The following CYSTM1 variants were observed in gnomAD, a reference collection of about 807,000 sequenced individuals.
CYSTM1 encodes the protein cysteine-rich transmembrane module-containing protein 1.
A neutral mutation model predicts 13.1 loss-of-function variants in CYSTM1; 4 were observed. The ratio of observed to expected loss-of-function variants is 0.31; its 90% CI spans 0.15 to 0.70. The LOEUF (loss-of-function observed/expected upper bound fraction) is 0.70. Among genes scored for constraint, CYSTM1 ranks in the 30% least tolerant of loss-of-function variants. CYSTM1 has a pLI of 0.72. For synonymous variants in CYSTM1, 36 were observed against 42.7 expected (o/e 0.84, Z 0.62); for missense variants, 96 against 121.6 (o/e 0.79, Z 0.99).
intron 2 of CYSTM1, among the ~76,000 whole-genome samples, chr5:140,221,529 G>A (rs1236491843): frequency 6.6e-6 from 1 of 152,230 alleles, no homozygotes; most frequent in South Asian, 2.1e-4. Context: ...ATTCATCCAT[G>A]CTGTAGCGTG....
At chr5:140,236,705 G>A (rs1054108314) in intron 2 of CYSTM1, among the ~76,000 whole-genome samples, 1 of 152,194 alleles carries the variant, frequency 6.6e-6, no homozygotes, top group African/African-American at 2.4e-5. Context: ...GAGAGGTCAA[G>A]TGTCTTACTT....
chr5:140,233,002 A>C (rs1764634823), intron 2 of CYSTM1, among the ~76,000 whole-genome samples: 1 of 152,200 alleles, frequency 6.6e-6, no homozygotes, highest in Admixed American at 6.5e-5. Flanking sequence ...CCTTCTGAAC[A>C]GTAGCAACAG....
intron 2 of CYSTM1, chr5:140,201,849 C>T (rs967094898): frequency 1.3e-5 from 2 of 149,552 alleles, no homozygotes; most frequent in Non-Finnish European, 3.0e-5. Flanking sequence ...ATGATCCAAA[C>T]AGAAAAAAGG....
chr5:140,217,358 A>C, intron 2 of CYSTM1, among the ~76,000 whole-genome samples: 1 of 152,164 alleles, frequency 6.6e-6, no homozygotes, highest in Non-Finnish European at 1.5e-5. Context: ...TACCTCAGGC[A>C]GCTAGTGGGT....
chr5:140,226,613 A>ATATATATATATATATATATAT lies in CYSTM1; in HGVS notation c.188-16692_188-16691insTATATATATATATATATATAT, dbSNP rs61099181. ...ATATATATATATATATATATATATA[A>ATATATATATATATATATATAT]AAATTAGCCAGATGTGATGGCGCAT... On this transcript the variant is annotated intron_variant, in intron 2 of 2. Transcript: ENST00000261811. Among the ~76,000 whole-genome samples, 304 of 84,942 alleles carry ATATATATATATATATATATAT rather than the reference A, an allele frequency of 3.6e-3. 10 individuals carry two copies. The highest frequency in any genetic ancestry group is 8.5e-3 in the South Asian group (18 of 2,126). 55.7% of individuals were successfully genotyped at this position (84,942 alleles called of 152,430 possible).
intron 1 of CYSTM1, among the ~76,000 whole-genome samples, chr5:140,179,472 A>C (rs2126651776): frequency 6.6e-6 from 1 of 151,592 alleles, no homozygotes; most frequent in East Asian, 2.0e-4. Flanking sequence ...AGGCACAAGA[A>C]TTGCTTGAAC....
rs76789769 is a variant in CYSTM1 at position 140,197,263 on chromosome 5, C to A, written c.187+2611C>A. ...ATACAGATTTGGTCATCTTTCTTAC[C>A]TTTCATGTAATTTAAGTATTGATGT... is the stretch of plus-strand genomic sequence containing the variant. On this transcript the variant is annotated intron_variant, in intron 2 of 2. Transcript: ENST00000261811. Among the ~76,000 whole-genome samples the A allele has an allele frequency of 3.9e-3, 599 of 152,242 alleles. 6 individuals are homozygous for A. The highest frequency in any genetic ancestry group is 0.014 in the African/African-American group (569 of 41,546).
At chr5:140,212,811 T>C (rs866043782) in intron 2 of CYSTM1, among the ~76,000 whole-genome samples, 1 of 150,630 alleles carries the variant, frequency 6.6e-6, no homozygotes, top group Non-Finnish European at 1.5e-5. Flanking sequence ...TACAAAAAAA[T>C]AGAAAAACAA....
chr5:140,206,568 T>A (rs185080866), intron 2 of CYSTM1, among the ~76,000 whole-genome samples: 113 of 152,284 alleles, frequency 7.4e-4, no homozygotes, highest in African/African-American at 2.6e-3. Context: ...TGCTGCTTCC[T>A]GAATTGCTGA....
At chr5:140,181,089 T>C (rs1402372981) in intron 1 of CYSTM1, among the ~76,000 whole-genome samples, 3 of 152,098 alleles carry the variant, frequency 2.0e-5, no homozygotes, top group African/African-American at 7.2e-5. Flanking sequence ...ACCTGGGAAA[T>C]GGTGCTAGAC....
At chr5:140,195,638 A>G (rs867282013) in intron 2 of CYSTM1, among the ~76,000 whole-genome samples, 3 of 151,364 alleles carry the variant, frequency 2.0e-5, no homozygotes, top group South Asian at 2.1e-4. Context: ...AGACTGTGTT[A>G]GCCAGGATGG....
chr5:140,228,561 A>G (rs971538173), intron 2 of CYSTM1, among the ~76,000 whole-genome samples: 18 of 152,334 alleles, frequency 1.2e-4, no homozygotes, highest in Non-Finnish European at 1.9e-4. Context: ...TGAAACAGGG[A>G]AAGCGCAGTG....
At chr5:140,240,517 T>G (rs960491347) in intron 2 of CYSTM1, among the ~76,000 whole-genome samples, 1 of 151,656 alleles carries the variant, frequency 6.6e-6, no homozygotes, top group East Asian at 2.0e-4. Context: ...CCAGGTAGCA[T>G]GGGGTGCCAG....
chr5:140,187,200 C>T (rs561081692), intron 1 of CYSTM1, among the ~76,000 whole-genome samples: 46 of 149,268 alleles, frequency 3.1e-4, no homozygotes, highest in African/African-American at 1.1e-3. Flanking sequence ...GAACAAACTG[C>T]ACCCAAAATT....
intron 2 of CYSTM1, among the ~76,000 whole-genome samples, chr5:140,233,535 T>C (rs1055488549): frequency 1.3e-5 from 2 of 152,210 alleles, no homozygotes; most frequent in Admixed American, 1.3e-4. Flanking sequence ...TTCTGGATCA[T>C]ATGGTAGGCT....
intron 2 of CYSTM1, among the ~76,000 whole-genome samples, chr5:140,232,789 T>G (rs556190153): frequency 1.3e-5 from 2 of 152,280 alleles, no homozygotes; most frequent in East Asian, 3.9e-4. Context: ...GAACCTCCAC[T>G]AAACTGGACA....
chr5:140,216,830 G>T (rs771000630), intron 2 of CYSTM1, among the ~76,000 whole-genome samples: 23 of 152,146 alleles, frequency 1.5e-4, no homozygotes, highest in Non-Finnish European at 3.2e-4. Context: ...AGGTTGCCCT[G>T]ACCCATCCTC....
intron 1 of CYSTM1, among the ~76,000 whole-genome samples, chr5:140,183,897 G>T (rs1444395714): frequency 6.6e-6 from 1 of 152,168 alleles, no homozygotes; most frequent in Non-Finnish European, 1.5e-5. Flanking sequence ...GTTTTCCCAG[G>T]TAGCAACTGG....
intron 2 of CYSTM1, among the ~76,000 whole-genome samples, chr5:140,229,155 A>G (rs1764592722): frequency 6.6e-6 from 1 of 151,504 alleles, no homozygotes. Context: ...ATCCACTAAT[A>G]TTTGTCTGTT....
Sources: gnomAD v4.1 joint callset for allele counts (sites outside exome capture counted in the v4.1 genomes callset) on GRCh38, gnomAD v4.1.1 for gene constraint, MANE v1.5 for transcripts, NCBI Gene and HGNC (gene_info 2026-07-23, HGNC 2026-07-21) for gene names.